Variants in DGKB observed in about 807,000 individuals in gnomAD.
The protein encoded by DGKB is 90 kDa diacylglycerol kinase.
In DGKB, 67 loss-of-function variants were observed where a neutral mutation model predicts 114.3. That is an observed-to-expected ratio of 0.59 (90% CI 0.48 to 0.72). DGKB has a LOEUF of 0.72. DGKB is among the 30% of genes least tolerant of loss of function. DGKB has a pLI of 0.00. For synonymous variants in DGKB, 398 were observed against 323.1 expected, an observed-to-expected ratio of 1.23 and a Z score of -2.49; for missense variants, 907 against 975.2, an observed-to-expected ratio of 0.93 and a Z score of 0.93.
chr7:14,167,650 A>G (rs1049520279), intron 25 of DGKB, among the ~76,000 whole-genome samples: 31 of 152,186 alleles, frequency 2.0e-4, no homozygotes, highest in African/African-American at 6.5e-4. Flanking sequence ...ATTTGGGGGT[A>G]TATCATCACC....
chr7:14,465,536 A>G (rs541687448), intron 21 of DGKB, among the ~76,000 whole-genome samples: 33 of 152,272 alleles, frequency 2.2e-4, no homozygotes, highest in African/African-American at 7.9e-4. Flanking sequence ...GGGGAACACA[A>G]TATTTGCTAG....
At chr7:14,279,120 G>A (rs1036883134) in intron 23 of DGKB, among the ~76,000 whole-genome samples, 13 of 152,168 alleles carry the variant, frequency 8.5e-5, no homozygotes, top group South Asian at 2.1e-4. Context: ...AAGGGGTGAT[G>A]GACGGCACCT....
intron 2 of DGKB, among the ~76,000 whole-genome samples, chr7:14,771,438 A>G (rs1447126526): frequency 6.6e-6 from 1 of 152,046 alleles, no homozygotes; most frequent in South Asian, 2.1e-4. Flanking sequence ...ATATTACCCA[A>G]TGCTGGTGAT....
chr7:14,206,867 T>C (rs1379548686), intron 23 of DGKB, among the ~76,000 whole-genome samples: 1 of 152,036 alleles, frequency 6.6e-6, no homozygotes, highest in Non-Finnish European at 1.5e-5. Context: ...CAATCTCTGA[T>C]AGGCTAATAG....
At chr7:14,769,123 A>AG (rs1836942944) in intron 2 of DGKB, among the ~76,000 whole-genome samples, 5 of 89,146 alleles carry the variant, frequency 5.6e-5, no homozygotes, top group Admixed American at 5.4e-4. Flanking sequence ...GAAAGAAAGA[A>AG]AGAGAGAGAG....
At chr7:14,329,166 T>C (rs1324257173) in intron 23 of DGKB, among the ~76,000 whole-genome samples, 1 of 151,946 alleles carries the variant, frequency 6.6e-6, no homozygotes, top group African/African-American at 2.4e-5. Flanking sequence ...CTTTGTTTAA[T>C]TCAAATTCAT....
In DGKB at chr7:14,682,542, T is replaced by G; in HGVS notation, c.1035+11A>C. The G allele has an allele frequency of 6.3e-7, 1 of 1,592,476 alleles. No individual in the cohort carries two copies. Among genetic ancestry groups the G allele is most frequent in the Non-Finnish European group, 8.6e-7 (1 of 1,160,986 alleles). ...GTGAATGCTGGGATTTGTTTTCCAA[T>G]TTTTACTCACTGTGATCTGACACCA... is the stretch of plus-strand genomic sequence containing the variant. On this transcript the variant is annotated intron_variant, in intron 12 of 25. Coordinates refer to ENST00000402815, the MANE Select transcript of DGKB (RefSeq NM_001350709.2).
chr7:14,962,703 G>A (rs1252339475), intron 1 of DGKB, among the ~76,000 whole-genome samples: 1 of 150,982 alleles, frequency 6.6e-6, no homozygotes, highest in Non-Finnish European at 1.5e-5. Context: ...CAGAAAACAT[G>A]TTAGTAAAAT....
chr7:14,864,572 G>T (rs1224166775), intron 1 of DGKB, among the ~76,000 whole-genome samples: 1 of 152,170 alleles, frequency 6.6e-6, no homozygotes, highest in African/African-American at 2.4e-5. Context: ...ATAGAGTTAT[G>T]CCCAGGTATA....
intron 1 of DGKB, among the ~76,000 whole-genome samples, chr7:14,915,154 C>A (rs1340789598): frequency 6.6e-6 from 1 of 152,030 alleles, no homozygotes; most frequent in Non-Finnish European, 1.5e-5. Context: ...ATTGTTTGAG[C>A]TGAGGAGTTT....
chr7:14,621,132 A>T (rs1263791917), intron 15 of DGKB: 12 of 377,962 alleles, frequency 3.2e-5, no homozygotes, highest in Non-Finnish European at 5.7e-5. Context: ...AAATCTTTCA[A>T]AAGATCTCTT....
intron 1 of DGKB, among the ~76,000 whole-genome samples, chr7:14,886,375 G>A (rs1855051270): frequency 6.6e-6 from 1 of 151,752 alleles, no homozygotes; most frequent in South Asian, 2.1e-4. Flanking sequence ...AAATCTAGTA[G>A]GAGATGAGGA....
intron 21 of DGKB, among the ~76,000 whole-genome samples, chr7:14,434,882 C>T (rs1158377645): frequency 6.6e-6 from 1 of 152,010 alleles, no homozygotes; most frequent in Non-Finnish European, 1.5e-5. Context: ...TGGCATATAC[C>T]AATGGTTGAT....
chr7:14,555,263 T>C (rs1795716407), intron 20 of DGKB, among the ~76,000 whole-genome samples: 1 of 152,230 alleles, frequency 6.6e-6, no homozygotes, highest in Non-Finnish European at 1.5e-5. Context: ...TTAAATATTC[T>C]GTATCTCTGC....
chr7:14,480,883 T>C (rs1038034812), intron 20 of DGKB, among the ~76,000 whole-genome samples: 1 of 152,110 alleles, frequency 6.6e-6, no homozygotes, highest in Admixed American at 6.6e-5. Context: ...ATACATCTTA[T>C]ATACAAACCA....
In DGKB at chr7:14,748,691, T is replaced by C. The variant is rs376423038; in HGVS notation, c.168+5237A>G. Among the ~76,000 whole-genome samples the C allele has an allele frequency of 6.6e-5, 10 of 152,330 alleles. No homozygotes were observed. The East Asian group carries it at 1.9e-3, about 29-fold the overall frequency. On this transcript the variant is annotated intron_variant, in intron 4 of 25. Coordinates refer to ENST00000402815, the MANE Select transcript of DGKB (RefSeq NM_001350709.2). ...ATAGCTTTAATGTGGAGTGAGTTTTTAGTAGGAAATTCCATGATCTGACTC... is the reference window on the plus strand; with the variant it reads ...ATAGCTTTAATGTGGAGTGAGTTTTCAGTAGGAAATTCCATGATCTGACTC...
chr7:14,949,625 T>C (rs1562897471), intron 1 of DGKB, among the ~76,000 whole-genome samples: 4 of 151,800 alleles, frequency 2.6e-5, no homozygotes, highest in Non-Finnish European at 5.9e-5. Flanking sequence ...CTAAATTTGA[T>C]GAAAAACATT....
At chr7:14,859,965 A>G (rs975447988) in intron 1 of DGKB, among the ~76,000 whole-genome samples, 3 of 152,124 alleles carry the variant, frequency 2.0e-5, no homozygotes, top group Non-Finnish European at 4.4e-5. Context: ...AATATGACCC[A>G]GAAAGTTTTC....
intron 21 of DGKB, among the ~76,000 whole-genome samples, chr7:14,430,725 C>T (rs1410612276): frequency 2.0e-5 from 3 of 152,228 alleles, no homozygotes; most frequent in Non-Finnish European, 4.4e-5. Context: ...TGAATTTATT[C>T]AGATATCCAC....
Sources: allele counts gnomAD v4.1 joint callset (sites outside exome capture counted in the v4.1 genomes callset), GRCh38; gene constraint gnomAD v4.1.1; transcripts MANE v1.5; gene names NCBI Gene and HGNC (gene_info 2026-07-23, HGNC 2026-07-21).